Variants in NPM1 observed in about 807,000 individuals in gnomAD.
NPM1 encodes nucleophosmin.
Under a neutral mutation model 44.1 loss-of-function variants are expected in NPM1, and 1 was observed. The ratio of observed to expected loss-of-function variants is 0.02; its 90% CI spans 0.01 to 0.11. The LOEUF is 0.11. NPM1 is among the 10% of genes least tolerant of loss of function. The pLI, the probability that NPM1 is intolerant of heterozygous loss-of-function variation, is 1.00. For synonymous variants in NPM1, 126 were observed against 111.8 expected (o/e 1.13, Z -0.80); for missense variants, 197 against 347.8 (o/e 0.57, Z 3.45).
chr5:171,409,897 C>T (rs940023925), intron 10 of NPM1, among the ~76,000 whole-genome samples: 16 of 151,790 alleles, frequency 1.1e-4, no homozygotes, highest in African/African-American at 3.9e-4. Context: ...TGGGCTCAGG[C>T]AGTCCTCCCA....
intron 9 of NPM1, chr5:171,405,704 A>T (rs777505826): frequency 3.1e-6 from 1 of 318,452 alleles, no homozygotes; most frequent in Admixed American, 4.9e-5. Flanking sequence ...CCCTTTGCCT[A>T]TTCTGGTTGT....
intron 9 of NPM1, among the ~76,000 whole-genome samples, chr5:171,406,165 TTC>T (rs1352351687): frequency 6.6e-6 from 1 of 152,184 alleles, no homozygotes; most frequent in Non-Finnish European, 1.5e-5. Context: ...CCCCATGTTT[TTC>T]TTGTAATCTA....
chr5:171,395,962 A>AT (rs200119475), intron 6 of NPM1, among the ~76,000 whole-genome samples: 19,638 of 133,282 alleles, frequency 0.15, 1,464 homozygotes, highest in Middle Eastern at 0.28. Context: ...AGTAAAGCTG[A>AT]ATTTTTTTTT....
chr5:171,396,592 C>CGT (rs879809473), intron 6 of NPM1, among the ~76,000 whole-genome samples: 1 of 152,134 alleles, frequency 6.6e-6, no homozygotes, highest in African/African-American at 2.4e-5. Flanking sequence ...ATTTAGAGAC[C>CGT]AGTACGTTCA....
At chr5:171,391,487 G>C in intron 3 of NPM1, 63 bp downstream of exon 3, 1 of 1,586,520 alleles carries the variant, frequency 6.3e-7, no homozygotes, top group Non-Finnish European at 8.6e-7. Context: ...AGGTAGGTTT[G>C]GTGTCATTTA....
At chr5:171,389,238 T>G (rs12659849) in intron 1 of NPM1, among the ~76,000 whole-genome samples, 9,584 of 152,324 alleles carry the variant, frequency 0.063, 526 homozygotes, top group Admixed American at 0.14. Context: ...TTTATCTTGT[T>G]CATTATCCGT....
chr5:171,409,653 C>T (rs551723486), intron 10 of NPM1, among the ~76,000 whole-genome samples: 1 of 152,186 alleles, frequency 6.6e-6, no homozygotes, highest in African/African-American at 2.4e-5. Context: ...CCTGAGTCAT[C>T]TCATTTCTAG....
intron 8 of NPM1, among the ~76,000 whole-genome samples, chr5:171,402,204 TAAAC>T (rs1771242715): frequency 6.7e-6 from 1 of 150,044 alleles, no homozygotes; most frequent in Non-Finnish European, 1.5e-5. Context: ...GCAAAGGACA[TAAAC>T]AGACACTTTT....
chr5:171,387,423 C>G (rs1770270207), upstream of NPM1, among the ~76,000 whole-genome samples: 1 of 152,146 alleles, frequency 6.6e-6, no homozygotes, highest in African/African-American at 2.4e-5. Flanking sequence ...AAAGGTGAAT[C>G]GAGGTGCTCT....
At chr5:171,408,615 T>TG (rs1561877517) in intron 10 of NPM1, among the ~76,000 whole-genome samples, 1 of 152,240 alleles carries the variant, frequency 6.6e-6, no homozygotes, top group Admixed American at 6.5e-5. Context: ...GTTGTAGTGA[T>TG]GGGCTATAAG....
In NPM1 at chr5:171,404,880, T is replaced by C. The variant is rs185261992; in HGVS notation, c.670-422T>C. ...TGAGTGAACGAGACTCTGTCTGCCC[T>C]GATTTCCTTTTTTGAACTGACTTAG... On this transcript the variant is annotated intron_variant, in intron 8 of 10. Transcript: ENST00000296930. Among the ~76,000 whole-genome samples the C allele has an allele frequency of 7.0e-3, 1,060 of 152,310 alleles. 14 individuals carry two copies. Among genetic ancestry groups the C allele is most frequent in the African/African-American group, 0.025 (1,021 of 41,580 alleles).
At chr5:171,407,910 C>T (rs1049340747) in intron 10 of NPM1, 136 bp downstream of exon 10, 8 of 610,876 alleles carry the variant, frequency 1.3e-5, no homozygotes, top group South Asian at 6.2e-5. Context: ...TAATGAAATA[C>T]CTGAAAACTC....
intron 10 of NPM1, 126 bp downstream of exon 10, chr5:171,407,900 T>C: frequency 1.6e-6 from 1 of 623,950 alleles, no homozygotes; most frequent in South Asian, 2.0e-5. Context: ...ATATTTCATT[T>C]AATGAAATAC....
intron 6 of NPM1, among the ~76,000 whole-genome samples, chr5:171,398,377 G>T (rs1414411410): frequency 6.6e-6 from 1 of 152,150 alleles, no homozygotes; most frequent in East Asian, 1.9e-4. Flanking sequence ...TGGTGTGAAT[G>T]GAGGGGTCTA....
chr5:171,387,927 C>A lies in NPM1; in HGVS notation c.-22C>A, dbSNP rs764467196. On this transcript the variant is annotated 5_prime_UTR_variant, in exon 1 of 11. Transcript: ENST00000296930. ...TTATCTCCGTCCGCCTTCTCTCCTA[C>A]CTAAGTGCGTGCCGCCACCCGATGG... The A allele has an allele frequency of 1.9e-6, 3 of 1,609,546 alleles. No homozygotes were observed. The highest frequency in any genetic ancestry group is 2.5e-6 in the Non-Finnish European group (3 of 1,177,564).
chr5:171,388,255 C>G (rs924367223), intron 1 of NPM1, among the ~76,000 whole-genome samples: 1 of 152,100 alleles, frequency 6.6e-6, no homozygotes, highest in African/African-American at 2.4e-5. Context: ...GTCCGAGGCC[C>G]GGGGCCTGAG....
intron 6 of NPM1, among the ~76,000 whole-genome samples, chr5:171,395,056 A>G (rs754437833): frequency 1.3e-5 from 2 of 151,986 alleles, no homozygotes; most frequent in African/African-American, 2.4e-5. Context: ...GTGCCTGCCT[A>G]TTGGTCCCAG....
In NPM1 at chr5:171,388,518, A is replaced by G. The variant is rs115350704; in HGVS notation, c.58+512A>G. 8.5e-3 allele frequency among the ~76,000 whole-genome samples: 1,147 copies of G among 135,700 alleles called. 9 individuals are homozygous for G. Among genetic ancestry groups the G allele is most frequent in the Middle Eastern group, 0.06 (14 of 234 alleles). 89.0% of individuals were successfully genotyped at this position (135,700 alleles called of 152,430 possible). Reference sequence around the variant, plus strand: ...TAGACTTACCTCGCGTGCTTCGGCCAGTTACTGGGGGTGGGGAGGCGCGGC... The same window carrying G: ...TAGACTTACCTCGCGTGCTTCGGCCGGTTACTGGGGGTGGGGAGGCGCGGC... On this transcript the variant is annotated intron_variant, in intron 1 of 10. Transcript: ENST00000296930.
chr5:171,395,493 T>C (rs887012634), intron 6 of NPM1, among the ~76,000 whole-genome samples: 3 of 152,018 alleles, frequency 2.0e-5, no homozygotes, highest in Non-Finnish European at 4.4e-5. Context: ...AGAGACGGGG[T>C]TTCACCATGT....
Sources: gnomAD v4.1 joint callset for allele counts (sites outside exome capture counted in the v4.1 genomes callset) on GRCh38, gnomAD v4.1.1 for gene constraint, MANE v1.5 for transcripts, NCBI Gene and HGNC (gene_info 2026-07-23, HGNC 2026-07-21) for gene names.